Variants in THSD7B observed in about 807,000 individuals in gnomAD.
THSD7B encodes thrombospondin type 1 domain containing 7B, also known as thrombospondin type-1 domain-containing protein 7B.
THSD7B carries 138 observed loss-of-function variants against 213.6 expected under a neutral mutation model. That is an observed-to-expected ratio of 0.65 (90% CI 0.56 to 0.74). The LOEUF (loss-of-function observed/expected upper bound fraction) is 0.74. THSD7B is among the 30% of genes least tolerant of loss of function. The pLI is 0.00. For synonymous variants in THSD7B, 742 were observed against 687.0 expected (o/e 1.08, Z -1.25); for missense variants, 1,931 against 1,991.5 (o/e 0.97, Z 0.58).
Position 137,017,819 on chromosome 2 carries a change from C to CA in THSD7B, c.140-38592dup, listed in dbSNP as rs111982424. ...CATTTGTAACTTTTAAAGATCACAT[C>CA]AAAAAAAAATAATATCCAGTCTGTT... On this transcript the variant is annotated intron_variant, in intron 2 of 27. Transcript: ENST00000409968. Among the ~76,000 whole-genome samples, 91 of 150,170 alleles carry CA rather than the reference C, an allele frequency of 6.1e-4. 1 individual carries two copies. The highest frequency in any genetic ancestry group is 1.9e-3 in the African/African-American group (78 of 41,014).
intron 1 of THSD7B, among the ~76,000 whole-genome samples, chr2:136,784,406 ATT>A (rs58736583): frequency 6.7e-6 from 1 of 149,720 alleles, no homozygotes. Context: ...CTAGGCACAG[ATT>A]TTTTTTTTGT....
chr2:137,160,168 A>T lies in THSD7B; in HGVS notation c.1370-45A>T, dbSNP rs58117107. The T allele has an allele frequency of 0.024, 37,208 of 1,577,410 alleles. 2,750 individuals carry two copies. The African/African-American group carries it at 0.26, about 11-fold the overall frequency. The stretch of plus-strand genomic sequence containing the variant: ...AATAAAGGCAGAAGCAATGCTAAGG[A>T]TGTCCAGAGAATGTGACATGGTCCG... On this transcript the variant is annotated intron_variant, in intron 5 of 27. Coordinates refer to ENST00000409968, the MANE Select transcript of THSD7B (RefSeq NM_001316349.2).
chr2:137,575,689 T>A (rs1681443448), intron 17 of THSD7B, among the ~76,000 whole-genome samples: 1 of 146,984 alleles, frequency 6.8e-6, no homozygotes, highest in Admixed American at 6.9e-5. Context: ...GTTTCCTTTG[T>A]TTTATGTTCA....
intron 4 of THSD7B, among the ~76,000 whole-genome samples, chr2:137,109,067 A>C (rs560737618): frequency 2.6e-5 from 4 of 152,296 alleles, no homozygotes; most frequent in African/African-American, 9.6e-5. Context: ...CCTTCAAAAT[A>C]TATCCCGAAT....
intron 12 of THSD7B, among the ~76,000 whole-genome samples, chr2:137,374,180 T>C (rs1278651812): frequency 6.6e-6 from 1 of 151,984 alleles, no homozygotes; most frequent in Non-Finnish European, 1.5e-5. Flanking sequence ...GAGAGAGAGC[T>C]GGGAATCTGG....
intron 1 of THSD7B, among the ~76,000 whole-genome samples, chr2:136,812,540 A>C (rs1257189385): frequency 6.6e-6 from 1 of 152,214 alleles, no homozygotes; most frequent in Admixed American, 6.5e-5. Flanking sequence ...AATAAGAACT[A>C]CTATTTATTG....
intron 5 of THSD7B, among the ~76,000 whole-genome samples, chr2:137,136,570 G>A (rs2104959480): frequency 6.6e-6 from 1 of 152,272 alleles, no homozygotes; most frequent in African/African-American, 2.4e-5. Context: ...GGCACAGTCA[G>A]CTATGAAAGG....
chr2:137,473,178 C>A (rs1295964446), intron 15 of THSD7B, among the ~76,000 whole-genome samples: 3 of 150,660 alleles, frequency 2.0e-5, no homozygotes, highest in Non-Finnish European at 4.4e-5. Flanking sequence ...CATAGCTTGT[C>A]TGCAAAACAT....
chr2:137,154,152 G>A (rs1679866587), intron 5 of THSD7B, among the ~76,000 whole-genome samples: 1 of 152,066 alleles, frequency 6.6e-6, no homozygotes, highest in Non-Finnish European at 1.5e-5. Flanking sequence ...GTAGAAAGCA[G>A]ACAAAACAAT....
intron 14 of THSD7B, among the ~76,000 whole-genome samples, chr2:137,417,217 A>G (rs1431456342): frequency 6.6e-6 from 1 of 152,228 alleles, no homozygotes; most frequent in Non-Finnish European, 1.5e-5. Flanking sequence ...GGAAAAGTGA[A>G]TTTAATATTA....
intron 15 of THSD7B, among the ~76,000 whole-genome samples, chr2:137,547,030 T>C (rs971908064): frequency 6.6e-6 from 1 of 151,990 alleles, no homozygotes; most frequent in East Asian, 1.9e-4. Context: ...AGAAGAAAAA[T>C]GTTTGCAACA....
At chr2:136,911,935 A>G (rs905266771) in intron 2 of THSD7B, among the ~76,000 whole-genome samples, 1 of 152,142 alleles carries the variant, frequency 6.6e-6, no homozygotes, top group Non-Finnish European at 1.5e-5. Flanking sequence ...AAATGGATAG[A>G]TGGATGGATG....
chr2:136,900,705 G>T (rs1316529786), intron 2 of THSD7B, among the ~76,000 whole-genome samples: 1 of 152,090 alleles, frequency 6.6e-6, no homozygotes, highest in Non-Finnish European at 1.5e-5. Context: ...CATGCATTAT[G>T]TAACCTTTAC....
chr2:137,151,210 CT>C (rs1196202776), intron 5 of THSD7B, among the ~76,000 whole-genome samples: 2 of 152,188 alleles, frequency 1.3e-5, no homozygotes, highest in African/African-American at 4.8e-5. Flanking sequence ...ACTTTTAACT[CT>C]TTTGTTATTA....
chr2:137,565,399 A>C (rs1011611256), intron 16 of THSD7B, among the ~76,000 whole-genome samples: 15 of 152,240 alleles, frequency 9.9e-5, no homozygotes, highest in Middle Eastern at 3.4e-3. Flanking sequence ...TGGAAAGTAG[A>C]AGGACAAGCA....
chr2:137,661,078 A>G (rs1484535068), intron 25 of THSD7B, among the ~76,000 whole-genome samples: 5 of 152,142 alleles, frequency 3.3e-5, no homozygotes, highest in African/African-American at 1.2e-4. Flanking sequence ...TGCTAGATAA[A>G]TAGCTTTAGG....
At position 137,411,773 on chromosome 2, in the gene THSD7B, G is replaced by A; in HGVS notation, c.2860G>A (p.Ala954Thr). The change falls in exon 14 of 28, where the codon GCA becomes ACA. Residue 954 changes from alanine to threonine, a missense_variant. Transcript: ENST00000409968. ...REPHRGLRVQADSKECGEGLR... is the reference protein window; with the variant it reads ...REPHRGLRVQTDSKECGEGLR... ...GCCTCACCGAGGACTGCGGGTACAA[G>A]CAGACAGCAAAGAATGTGGAGAAGG... 6.2e-7 allele frequency: 1 copy of A among 1,613,950 alleles called. No homozygotes were observed.
chr2:136,943,205 C>G (rs1056170091), intron 2 of THSD7B, among the ~76,000 whole-genome samples: 1 of 152,156 alleles, frequency 6.6e-6, no homozygotes, highest in East Asian at 1.9e-4. Flanking sequence ...TATGTTGAAC[C>G]AGCCTTGCAT....
chr2:137,106,226 C>A (rs934696174), intron 4 of THSD7B, among the ~76,000 whole-genome samples: 6 of 152,094 alleles, frequency 3.9e-5, no homozygotes, highest in Non-Finnish European at 8.8e-5. Context: ...GAACACAGAC[C>A]TCAGAAGTAA....
Sources: gnomAD v4.1 joint callset for allele counts (sites outside exome capture counted in the v4.1 genomes callset) on GRCh38, gnomAD v4.1.1 for gene constraint, MANE v1.5 for transcripts, NCBI Gene and HGNC (gene_info 2026-07-23, HGNC 2026-07-21) for gene names.